Variants in RGS6 observed in about 807,000 individuals in gnomAD.
RGS6 encodes the protein regulator of G-protein signaling 6.
In RGS6, 30 loss-of-function variants were observed where a neutral mutation model predicts 78.5. The ratio of observed to expected loss-of-function variants is 0.38; its 90% CI spans 0.29 to 0.52. The LOEUF (loss-of-function observed/expected upper bound fraction) is 0.52. Ranked by LOEUF, RGS6 falls within the 20% of genes least tolerant of loss-of-function variation. The probability of loss-of-function intolerance (pLI) is 0.85; values close to 1 mark genes in which losing one functional copy is unlikely to be tolerated. For missense variants in RGS6, 495 were observed against 609.7 expected (o/e 0.81, Z 1.98); for synonymous variants, 206 against 206.0 (o/e 1.00, Z 0.00).
rs927502127 is a variant in RGS6 at position 72,191,337 on chromosome 14, T to G, written c.85-160758T>G. Among the ~76,000 whole-genome samples, 11 of 152,364 alleles carry G rather than the reference T, an allele frequency of 7.2e-5. No individual in the cohort carries two copies. The East Asian group carries it at 2.1e-3, about 29-fold the overall frequency. On this transcript the variant is annotated intron_variant, in intron 2 of 17. Coordinates refer to ENST00000553525, the MANE Select transcript of RGS6 (RefSeq NM_001204424.2). ...CCATGCATGTGACTTGAGAGGCCAC[T>G]GCAGCACGGCCAGGCCTCAGTGCAC...
intron 2 of RGS6, among the ~76,000 whole-genome samples, chr14:72,013,089 G>T (rs887582909): frequency 1.3e-5 from 2 of 151,774 alleles, no homozygotes; most frequent in Non-Finnish European, 2.9e-5. Context: ...TGACCAACAT[G>T]GTGAAACCCC....
chr14:72,106,691 C>G (rs191401565), intron 2 of RGS6, among the ~76,000 whole-genome samples: 1 of 152,290 alleles, frequency 6.6e-6, no homozygotes, highest in Admixed American at 6.5e-5. Context: ...ATTAACTTAT[C>G]TTTCAGTCTA....
At chr14:72,576,010 G>C in the RGS6 span, among the ~76,000 whole-genome samples, 1 of 152,194 alleles carries the variant, frequency 6.6e-6, no homozygotes, top group Admixed American at 6.5e-5. Context: ...CTATCTTGTA[G>C]AACTGCCTCA....
intron 1 of RGS6, among the ~76,000 whole-genome samples, chr14:71,936,432 TG>T (rs2089392918): frequency 6.6e-6 from 1 of 152,154 alleles, no homozygotes; most frequent in Admixed American, 6.5e-5. Flanking sequence ...TAATCTCTTT[TG>T]GGCAACACCC....
chr14:71,957,079 G>A (rs1389196301), intron 1 of RGS6, among the ~76,000 whole-genome samples: 1 of 152,164 alleles, frequency 6.6e-6, no homozygotes, highest in African/African-American at 2.4e-5. Flanking sequence ...ATGTGAGATA[G>A]TGACTCAGAA....
Position 72,518,447 on chromosome 14 carries a change from T to A in RGS6, c.1188T>A (p.Ala396=). Residue 396 remains alanine, a synonymous_variant, in exon 15 of 18, where the codon GCT becomes GCA. Transcript: ENST00000553525. ...GGCAAGAGTTTCTGGCTCCAGGGGCTCCAAGTGCAATCAACCTGGATTCTC... is the reference window on the plus strand; with the variant it reads ...GGCAAGAGTTTCTGGCTCCAGGGGCACCAAGTGCAATCAACCTGGATTCTC... ...EIWQEFLAPG[A]PSAINLDSHS... is the part of the protein sequence containing the mutation. 1 of 1,614,192 alleles carries A rather than the reference T, an allele frequency of 6.2e-7. No individual in the cohort carries two copies. Among genetic ancestry groups the A allele is most frequent in the Middle Eastern group, 1.6e-4 (1 of 6,062 alleles).
intron 4 of RGS6, among the ~76,000 whole-genome samples, chr14:72,455,450 G>A (rs890670043): frequency 6.6e-6 from 1 of 152,138 alleles, no homozygotes; most frequent in Non-Finnish European, 1.5e-5. Context: ...AGTCCCTGCT[G>A]GAATCGGTGT....
At chr14:72,183,422 T>A (rs1215367670) in intron 2 of RGS6, among the ~76,000 whole-genome samples, 2 of 152,234 alleles carry the variant, frequency 1.3e-5, no homozygotes, top group Non-Finnish European at 2.9e-5. Context: ...TCTGGCCTAG[T>A]ACTTATATTG....
At chr14:71,876,284 C>T in the RGS6 span, among the ~76,000 whole-genome samples, 1 of 151,994 alleles carries the variant, frequency 6.6e-6, no homozygotes, top group Admixed American at 6.5e-5. Context: ...GAGCCTAAGT[C>T]TCTTTGTAGG....
intron 2 of RGS6, among the ~76,000 whole-genome samples, chr14:72,022,891 T>C (rs2153276021): frequency 6.6e-6 from 1 of 152,316 alleles, no homozygotes; most frequent in Admixed American, 6.5e-5. Flanking sequence ...ATCATGGAGG[T>C]AAACACAGCG....
intron 2 of RGS6, among the ~76,000 whole-genome samples, chr14:72,243,364 G>A (rs531590011): frequency 1.1e-4 from 16 of 151,862 alleles, no homozygotes; most frequent in Admixed American, 7.9e-4. Flanking sequence ...GACTTTTGTC[G>A]CCACCCTTGA....
the RGS6 span, among the ~76,000 whole-genome samples, chr14:72,581,727 C>T: frequency 6.6e-6 from 1 of 152,238 alleles, no homozygotes; most frequent in Non-Finnish European, 1.5e-5. Context: ...ACCTACAAGA[C>T]CAAATCCTAT....
chr14:72,546,355 A>G (rs2097402827), intron 17 of RGS6, among the ~76,000 whole-genome samples: 1 of 152,228 alleles, frequency 6.6e-6, no homozygotes. Flanking sequence ...CAGACTCAGT[A>G]TGGCTGGTGG....
At chr14:72,343,637 T>C (rs2877805) in intron 2 of RGS6, among the ~76,000 whole-genome samples, 70,424 of 151,718 alleles carry the variant, frequency 0.46, 16,635 homozygotes, top group South Asian at 0.6. Flanking sequence ...GGCCCCGTTT[T>C]CGTATCTTCT....
chr14:72,016,868 A>T (rs1333170547), intron 2 of RGS6, among the ~76,000 whole-genome samples: 2 of 152,228 alleles, frequency 1.3e-5, no homozygotes, highest in African/African-American at 4.8e-5. Flanking sequence ...CAGATGGTTT[A>T]CAGATAAATC....
chr14:72,119,093 C>T (rs1054500980), intron 2 of RGS6, among the ~76,000 whole-genome samples: 3 of 151,912 alleles, frequency 2.0e-5, no homozygotes, highest in African/African-American at 7.3e-5. Context: ...AAAATAATTC[C>T]GTAGAGTAAT....
At chr14:72,011,937 CT>C (rs908607868) in intron 2 of RGS6, among the ~76,000 whole-genome samples, 3 of 151,958 alleles carry the variant, frequency 2.0e-5, no homozygotes, top group South Asian at 2.1e-4. Flanking sequence ...GTTCTATTTA[CT>C]TTTTTTTGTT....
At chr14:72,274,967 C>T (rs951269625) in intron 2 of RGS6, among the ~76,000 whole-genome samples, 2 of 152,172 alleles carry the variant, frequency 1.3e-5, no homozygotes, top group South Asian at 2.1e-4. Context: ...TTGGGGTTAA[C>T]GAACAACAGT....
chr14:71,875,595 G>C, the RGS6 span, among the ~76,000 whole-genome samples: 3 of 152,186 alleles, frequency 2.0e-5, no homozygotes, highest in African/African-American at 7.2e-5. Flanking sequence ...CAAAAAACCA[G>C]CTCCTGGATT....
Sources: gnomAD v4.1 joint callset for allele counts (sites outside exome capture counted in the v4.1 genomes callset) on GRCh38, gnomAD v4.1.1 for gene constraint, MANE v1.5 for transcripts, NCBI Gene and HGNC (gene_info 2026-07-23, HGNC 2026-07-21) for gene names.